The following LRTM3 variants were observed in gnomAD, a reference collection of about 807,000 sequenced individuals.
The protein encoded by LRTM3 is leucine-rich repeat transmembrane protein 3.
chr13:102,731,183 T>C, the LRTM3 span: 53 of 1,551,334 alleles, frequency 3.4e-5, no homozygotes, highest in Non-Finnish European at 4.4e-5. Context: ...CTCCTCACTG[T>C]CACTTGAAAC....
the LRTM3 span, chr13:102,742,867 A>G: frequency 2.6e-6 from 4 of 1,550,680 alleles, no homozygotes; most frequent in Middle Eastern, 1.7e-4. Flanking sequence ...TCTGTTTATC[A>G]TATTTGTTTG....
chr13:102,743,789 T>A, the LRTM3 span: 1 of 1,550,522 alleles, frequency 6.4e-7, no homozygotes. Flanking sequence ...AATTGACGAC[T>A]TCTTTTCCTT....
At chr13:102,743,806 T>TA in the LRTM3 span, 1 of 1,550,434 alleles carries the variant, frequency 6.4e-7, no homozygotes, top group Non-Finnish European at 8.7e-7. Context: ...CCTTCATAGT[T>TA]AAACATTTGG....
chr13:102,735,918 C>CCCCTTG, the LRTM3 span: 1 of 1,541,114 alleles, frequency 6.5e-7, no homozygotes, highest in Non-Finnish European at 8.8e-7. Flanking sequence ...TGTACTCCTT[C>CCCCTTG]CCCTTGCTCT....
the LRTM3 span, chr13:102,747,638 G>C: frequency 1.3e-6 from 2 of 1,551,114 alleles, no homozygotes; most frequent in Non-Finnish European, 1.7e-6. Flanking sequence ...ATACTCTGTT[G>C]TTTCAATTAA....
At chr13:102,753,343 G>C in the LRTM3 span, among the ~76,000 whole-genome samples, 1 of 152,056 alleles carries the variant, frequency 6.6e-6, no homozygotes, top group Non-Finnish European at 1.5e-5. Context: ...GCACAGGGAC[G>C]GAGAGCATTA....
At chr13:102,747,914 A>G in the LRTM3 span, 30 of 1,551,224 alleles carry the variant, frequency 1.9e-5, no homozygotes, top group Non-Finnish European at 2.4e-5. Flanking sequence ...CTTTAGATGT[A>G]TGCTGAACCT....
At chr13:102,745,475 G>T in the LRTM3 span, 1 of 1,550,774 alleles carries the variant, frequency 6.4e-7, no homozygotes, top group East Asian at 2.4e-5. Flanking sequence ...TTTCATTTTG[G>T]TTGTCAAGTT....
the LRTM3 span, chr13:102,735,088 C>G: frequency 9.7e-5 from 151 of 1,551,196 alleles, 2 homozygotes; most frequent in South Asian, 1.0e-3. Flanking sequence ...TAGAAGGACT[C>G]TTAGACAACA....
At chr13:102,737,693 A>C in the LRTM3 span, 4 of 1,549,972 alleles carry the variant, frequency 2.6e-6, no homozygotes, top group East Asian at 9.8e-5. Context: ...TTTCTGTTGC[A>C]TGTAATCTTT....
At chr13:102,745,917 C>T in the LRTM3 span, 4 of 1,551,090 alleles carry the variant, frequency 2.6e-6, no homozygotes, top group Non-Finnish European at 3.5e-6. Context: ...TTTGTACTTC[C>T]TGGTTGGTTC....
the LRTM3 span, among the ~76,000 whole-genome samples, chr13:102,752,608 T>A: frequency 6.6e-6 from 1 of 152,234 alleles, no homozygotes; most frequent in Admixed American, 6.5e-5. Context: ...ACAAAAATAT[T>A]AGGTAAATAT....
At chr13:102,731,442 G>A in the LRTM3 span, 9,122 of 1,551,330 alleles carry the variant, frequency 5.9e-3, 428 homozygotes, top group African/African-American at 0.11. Context: ...GACTCTAAAT[G>A]ACTAGTAAGC....
the LRTM3 span, chr13:102,749,617 C>A: frequency 6.4e-7 from 1 of 1,551,246 alleles, no homozygotes; most frequent in Non-Finnish European, 8.7e-7. Context: ...GATCTTGGGA[C>A]TGGAAGGAGT....
chr13:102,748,554 T>A, the LRTM3 span: 1 of 1,550,796 alleles, frequency 6.4e-7, no homozygotes, highest in Non-Finnish European at 8.7e-7. Flanking sequence ...TCCTCCTGTA[T>A]TTTCATTCTA....
chr13:102,733,146 T>C, the LRTM3 span: 2 of 1,551,514 alleles, frequency 1.3e-6, no homozygotes, highest in Non-Finnish European at 1.7e-6. Context: ...TTAGAAAGGA[T>C]AGTGTTCGTC....
At chr13:102,738,320 G>A in the LRTM3 span, 1 of 1,550,924 alleles carries the variant, frequency 6.4e-7, no homozygotes, top group Non-Finnish European at 8.7e-7. Flanking sequence ...CCCTGCCTCT[G>A]ATGATTTTTG....
chr13:102,748,277 TTAAG>T, the LRTM3 span: 1 of 1,551,098 alleles, frequency 6.4e-7, no homozygotes, highest in African/African-American at 1.4e-5. Flanking sequence ...TTCTGTAACA[TTAAG>T]TATCAATGGT....
chr13:102,730,911 G>A, the LRTM3 span: 2 of 1,551,108 alleles, frequency 1.3e-6, no homozygotes, highest in Non-Finnish European at 1.7e-6. Context: ...TGTCGTTTTG[G>A]TCCTGTGAAA....
Sources: gnomAD v4.1 joint callset for allele counts (sites outside exome capture counted in the v4.1 genomes callset) on GRCh38, gnomAD v4.1.1 for gene constraint, MANE v1.5 for transcripts, NCBI Gene and HGNC (gene_info 2026-07-23, HGNC 2026-07-21) for gene names.